Variants in NDC80 observed in about 807,000 individuals in gnomAD.
NDC80 encodes NDC80 kinetochore complex component, also known as kinetochore protein NDC80 homolog.
NDC80 carries 69 observed loss-of-function variants against 89.3 expected under a neutral mutation model. The ratio of observed to expected loss-of-function variants is 0.77; its 90% confidence interval spans 0.64 to 0.94. NDC80 has a LOEUF of 0.94. Among genes scored for constraint, NDC80 ranks in the 40% least tolerant of loss-of-function variants. The pLI is 0.00. For missense variants in NDC80, 593 were observed against 739.6 expected (o/e 0.80, Z 2.30); for synonymous variants, 243 against 255.6 (o/e 0.95, Z 0.47).
At chr18:2,614,471 G>GAA (rs1337490935) in intron 16 of NDC80, 1 of 56,438 alleles carries the variant, frequency 1.8e-5, no homozygotes, top group Non-Finnish European at 3.3e-5. Flanking sequence ...AAGAAAGAAA[G>GAA]AAAGAAAGAA....
chr18:2,578,236 T>C, intron 5 of NDC80, 95 bp downstream of exon 5: 1 of 1,271,918 alleles, frequency 7.9e-7, no homozygotes, highest in Non-Finnish European at 1.1e-6. Flanking sequence ...ACAGAAATAA[T>C]ATGTTTTAAG....
At chr18:2,593,042 G>C (rs867039153) in intron 10 of NDC80, among the ~76,000 whole-genome samples, 6,485 of 129,910 alleles carry the variant, frequency 0.05, 207 homozygotes, top group African/African-American at 0.064. Context: ...GTGTGTGTGT[G>C]TGTGTGTGTG....
At chr18:2,608,213 C>CG (rs990187216) in intron 14 of NDC80, among the ~76,000 whole-genome samples, 10 of 145,084 alleles carry the variant, frequency 6.9e-5, no homozygotes, top group African/African-American at 2.5e-4. Flanking sequence ...ATAAAATCAC[C>CG]TTTTTTTTTT....
intron 14 of NDC80, 22 bp downstream of exon 14, chr18:2,606,529 G>A (rs1163119454): frequency 1.3e-6 from 2 of 1,511,452 alleles, no homozygotes; most frequent in African/African-American, 2.8e-5. Flanking sequence ...GCCACAGTTT[G>A]CGTAGGTTAT....
intron 13 of NDC80, among the ~76,000 whole-genome samples, chr18:2,604,993 A>T (rs1486081800): frequency 6.6e-6 from 1 of 152,204 alleles, no homozygotes; most frequent in Non-Finnish European, 1.5e-5. Flanking sequence ...AGGGACCCAA[A>T]GCAAGGCTAT....
At chr18:2,585,499 A>G (rs909795328) in intron 7 of NDC80, among the ~76,000 whole-genome samples, 4 of 152,216 alleles carry the variant, frequency 2.6e-5, no homozygotes, top group African/African-American at 9.6e-5. Context: ...ATTGAATACT[A>G]TACTAACAGT....
chr18:2,602,762 C>T (rs1037940234), intron 13 of NDC80, among the ~76,000 whole-genome samples: 3 of 152,100 alleles, frequency 2.0e-5, no homozygotes, highest in South Asian at 2.1e-4. Flanking sequence ...GAGAAAAAGG[C>T]TGACATAGGT....
chr18:2,596,570 T>C (rs1403531556), intron 11 of NDC80, among the ~76,000 whole-genome samples: 4 of 148,750 alleles, frequency 2.7e-5, no homozygotes, highest in Non-Finnish European at 6.0e-5. Flanking sequence ...ACTTTGACAC[T>C]GTTGGTGGGA....
intron 7 of NDC80, among the ~76,000 whole-genome samples, chr18:2,586,368 A>G (rs1478672023): frequency 6.6e-6 from 1 of 152,140 alleles, no homozygotes; most frequent in Non-Finnish European, 1.5e-5. Context: ...CCACATTGCA[A>G]TATGTATATT....
At chr18:2,589,080 C>T (rs2072614806) in intron 8 of NDC80, 124 bp from the exon 9 acceptor site, 1 of 670,172 alleles carries the variant, frequency 1.5e-6, no homozygotes, top group Non-Finnish European at 2.7e-6. Context: ...ATGGGATGTA[C>T]TTCACTAATA....
chr18:2,603,798 A>G (rs1165197552), intron 13 of NDC80, among the ~76,000 whole-genome samples: 1 of 152,198 alleles, frequency 6.6e-6, no homozygotes, highest in Non-Finnish European at 1.5e-5. Flanking sequence ...CAGAAACCAA[A>G]GTGAAAAAGA....
intron 11 of NDC80, among the ~76,000 whole-genome samples, chr18:2,598,059 C>T (rs534038580): frequency 6.6e-6 from 1 of 152,334 alleles, no homozygotes; most frequent in Non-Finnish European, 1.5e-5. Context: ...ATTTAGCCAA[C>T]ATTTAATGTA....
At chr18:2,589,411 C>A in intron 9 of NDC80, 101 bp downstream of exon 9, 2 of 796,504 alleles carry the variant, frequency 2.5e-6, no homozygotes, top group South Asian at 1.7e-5. Flanking sequence ...AATAGATTAA[C>A]AAATTAAGCT....
intron 13 of NDC80, among the ~76,000 whole-genome samples, chr18:2,606,170 A>G (rs1203790863): frequency 6.6e-6 from 1 of 151,382 alleles, no homozygotes; most frequent in Non-Finnish European, 1.5e-5. Context: ...TGAGAGCTTA[A>G]AAAGCACTCC....
intron 13 of NDC80, among the ~76,000 whole-genome samples, chr18:2,605,274 ATGTGTGTGTG>A (rs60324126): frequency 0.074 from 9,399 of 127,158 alleles, 315 homozygotes; most frequent in African/African-American, 0.097. Flanking sequence ...GGCTATATGT[ATGTGTGTGTG>A]TGTGTGTGTG....
chr18:2,613,757 A>G (rs1430121379), intron 16 of NDC80, among the ~76,000 whole-genome samples: 3 of 152,228 alleles, frequency 2.0e-5, no homozygotes, highest in African/African-American at 7.2e-5. Flanking sequence ...TAAAATTAAG[A>G]TCTTCTCTAC....
chr18:2,600,204 G>T (rs984613383), intron 12 of NDC80, among the ~76,000 whole-genome samples: 1 of 152,174 alleles, frequency 6.6e-6, no homozygotes, highest in African/African-American at 2.4e-5. Context: ...TGCTCGAGGA[G>T]AAATTTTGAT....
intron 6 of NDC80, chr18:2,582,797 A>G (rs2072584910): frequency 6.6e-6 from 1 of 152,156 alleles, no homozygotes; most frequent in South Asian, 2.1e-4. Context: ...TTCATTTGTT[A>G]TGCTCCTAAA....
At chr18:2,614,543 GGAAGGAAGGAAGGAAGGAAGGGAAAGAA>G (rs1568015897) in intron 16 of NDC80, 2 of 5,194 alleles carry the variant, frequency 3.9e-4, no homozygotes, top group African/African-American at 2.4e-3. Flanking sequence ...AAGGAAGGAA[GGAAGGAAGGAAGGAAGGAAGGGAAAGAA>G]AGAAAGAAAG....
Sources: allele counts gnomAD v4.1 joint callset (sites outside exome capture counted in the v4.1 genomes callset), GRCh38; gene constraint gnomAD v4.1.1; transcripts MANE v1.5; gene names NCBI Gene and HGNC (gene_info 2026-07-23, HGNC 2026-07-21).